Variants in LRMDA observed in about 807,000 individuals in gnomAD.
LRMDA encodes leucine rich melanocyte differentiation associated, also known as leucine-rich melanocyte differentiation-associated protein.
LRMDA carries 18 observed loss-of-function variants against 29.8 expected under a neutral mutation model. That is an observed-to-expected ratio of 0.60 (90% CI 0.42 to 0.90). The LOEUF is 0.90. LRMDA is among the 40% of genes least tolerant of loss of function. The probability of loss-of-function intolerance (pLI) is 0.00; values close to 1 mark genes in which losing one functional copy is unlikely to be tolerated. For synonymous variants in LRMDA, 125 were observed against 109.4 expected (o/e 1.14, Z -0.89); for missense variants, 273 against 273.9 (o/e 1.00, Z 0.02).
chr10:75,741,042 A>G (rs1842822441), intron 2 of LRMDA, among the ~76,000 whole-genome samples: 1 of 152,148 alleles, frequency 6.6e-6, no homozygotes, highest in African/African-American at 2.4e-5. Context: ...TTGCTCTGTA[A>G]TAGACTACCA....
intron 5 of LRMDA, among the ~76,000 whole-genome samples, chr10:76,103,010 G>A (rs754560766): frequency 2.0e-5 from 3 of 152,100 alleles, no homozygotes; most frequent in Non-Finnish European, 4.4e-5. Flanking sequence ...TGGAATTGCC[G>A]GGTCATGTGG....
chr10:76,230,599 A>T (rs1025341911), intron 5 of LRMDA, among the ~76,000 whole-genome samples: 2 of 151,470 alleles, frequency 1.3e-5, no homozygotes, highest in African/African-American at 4.8e-5. Context: ...AATAAAATAA[A>T]TATATATTTG....
chr10:76,325,652 A>G (rs1202421693), intron 6 of LRMDA, among the ~76,000 whole-genome samples: 1 of 152,112 alleles, frequency 6.6e-6, no homozygotes, highest in Non-Finnish European at 1.5e-5. Context: ...TCATGTGTTT[A>G]TTTATTGGTT....
At chr10:75,916,887 G>A (rs1432808591) in intron 2 of LRMDA, among the ~76,000 whole-genome samples, 2 of 152,192 alleles carry the variant, frequency 1.3e-5, no homozygotes, top group African/African-American at 4.8e-5. Context: ...TATGTTGTCT[G>A]TGAATCTCAT....
At chr10:76,037,361 C>T (rs1488180016) in intron 3 of LRMDA, among the ~76,000 whole-genome samples, 1 of 152,204 alleles carries the variant, frequency 6.6e-6, no homozygotes, top group Non-Finnish European at 1.5e-5. Flanking sequence ...GGAGACAAGG[C>T]ATTTTCCTCT....
chr10:76,144,161 A>C (rs912501054), intron 5 of LRMDA, among the ~76,000 whole-genome samples: 7 of 152,078 alleles, frequency 4.6e-5, no homozygotes, highest in East Asian at 1.9e-4. Context: ...CTTAGGATTG[A>C]CTTGGCGATG....
chr10:75,528,696 G>A (rs1218899355), intron 2 of LRMDA, among the ~76,000 whole-genome samples: 5 of 152,080 alleles, frequency 3.3e-5, no homozygotes, highest in African/African-American at 1.2e-4. Context: ...AGAAATTTAA[G>A]GATTGCTTGA....
intron 2 of LRMDA, among the ~76,000 whole-genome samples, chr10:75,556,135 G>A (rs923272624): frequency 7.9e-5 from 12 of 152,152 alleles, no homozygotes; most frequent in South Asian, 2.1e-4. Flanking sequence ...CAAATTTGAT[G>A]AATGATATAA....
At chr10:75,754,187 C>T (rs1842999604) in intron 2 of LRMDA, among the ~76,000 whole-genome samples, 1 of 152,192 alleles carries the variant, frequency 6.6e-6, no homozygotes, top group African/African-American at 2.4e-5. Flanking sequence ...GACCTGCATT[C>T]CTCATGCTGT....
intron 6 of LRMDA, among the ~76,000 whole-genome samples, chr10:76,372,411 G>C (rs1564523401): frequency 6.6e-6 from 1 of 152,046 alleles, no homozygotes; most frequent in Non-Finnish European, 1.5e-5. Context: ...TCAGGAGTTT[G>C]AGACCAGCTT....
At chr10:76,062,109 C>T (rs570703678) in intron 5 of LRMDA, among the ~76,000 whole-genome samples, 1 of 152,262 alleles carries the variant, frequency 6.6e-6, no homozygotes, top group Admixed American at 6.5e-5. Context: ...AAGCAATTTC[C>T]TTTCCATGTG....
chr10:75,818,916 C>G (rs1474752978), intron 2 of LRMDA, among the ~76,000 whole-genome samples: 3 of 152,164 alleles, frequency 2.0e-5, no homozygotes, highest in Non-Finnish European at 4.4e-5. Flanking sequence ...TTTGGCTTCC[C>G]CAACTTCCTT....
At chr10:75,775,894 ATTC>A (rs1843305404) in intron 2 of LRMDA, among the ~76,000 whole-genome samples, 1 of 152,200 alleles carries the variant, frequency 6.6e-6, no homozygotes, top group Non-Finnish European at 1.5e-5. Context: ...CTGACTTAAG[ATTC>A]TGAGGCAGAA....
chr10:75,725,434 C>T (rs1254441734), intron 2 of LRMDA, among the ~76,000 whole-genome samples: 1 of 152,188 alleles, frequency 6.6e-6, no homozygotes, highest in Non-Finnish European at 1.5e-5. Flanking sequence ...ACCTTGGGAG[C>T]AAATGGGCCT....
At chr10:76,225,037 C>T (rs1445363616) in intron 5 of LRMDA, among the ~76,000 whole-genome samples, 2 of 151,922 alleles carry the variant, frequency 1.3e-5, no homozygotes, top group South Asian at 2.1e-4. Flanking sequence ...ATTAATTAAA[C>T]GTTTAACACA....
At chr10:76,005,673 G>A (rs1047771717) in intron 2 of LRMDA, among the ~76,000 whole-genome samples, 3 of 152,034 alleles carry the variant, frequency 2.0e-5, no homozygotes, top group African/African-American at 7.2e-5. Context: ...GCTCACACCT[G>A]AAATCCCAGC....
intron 6 of LRMDA, among the ~76,000 whole-genome samples, chr10:76,353,152 C>T (rs1319580494): frequency 6.6e-6 from 1 of 152,030 alleles, no homozygotes; most frequent in Non-Finnish European, 1.5e-5. Flanking sequence ...GATTGCTATA[C>T]TGTAAATGCT....
At chr10:75,946,164 G>T (rs1026653137) in intron 2 of LRMDA, among the ~76,000 whole-genome samples, 1 of 152,112 alleles carries the variant, frequency 6.6e-6, no homozygotes, top group Non-Finnish European at 1.5e-5. Flanking sequence ...TCTTCCACTT[G>T]GCCCACTTGA....
chr10:76,374,633 A>G (rs1425150669), intron 6 of LRMDA, among the ~76,000 whole-genome samples: 1 of 152,206 alleles, frequency 6.6e-6, no homozygotes, highest in Non-Finnish European at 1.5e-5. Flanking sequence ...ACAAATAAGC[A>G]GCGTCATTGC....
Sources: gnomAD v4.1 joint callset for allele counts (sites outside exome capture counted in the v4.1 genomes callset) on GRCh38, gnomAD v4.1.1 for gene constraint, MANE v1.5 for transcripts, NCBI Gene and HGNC (gene_info 2026-07-23, HGNC 2026-07-21) for gene names.